The following BIRC6 variants were observed in gnomAD, a reference collection of about 807,000 sequenced individuals.
BIRC6 encodes the protein dual E2 ubiquitin-conjugating enzyme/E3 ubiquitin-protein ligase BIRC6.
Under a neutral mutation model 503.3 loss-of-function variants are expected in BIRC6, and 98 were observed. The observed-to-expected ratio is 0.19, with a 90% CI of 0.17 to 0.23. The LOEUF is 0.23. Ranked by LOEUF, BIRC6 falls within the 10% of genes least tolerant of loss-of-function variation. The pLI, the probability that BIRC6 is intolerant of heterozygous loss-of-function variation, is 1.00. For synonymous variants in BIRC6, 2,240 were observed against 2,078.7 expected (o/e 1.08, Z -2.11); for missense variants, 5,360 against 5,806.0 (o/e 0.92, Z 2.50).
intron 57 of BIRC6, chr2:32,523,401 T>C (rs186253018): frequency 2.0e-5 from 3 of 152,332 alleles, no homozygotes; most frequent in African/African-American, 7.2e-5. Context: ...TAATATTCTT[T>C]GTGTGCTTTT....
intron 57 of BIRC6, chr2:32,523,508 T>G (rs573513500): frequency 6.6e-6 from 1 of 152,318 alleles, no homozygotes; most frequent in East Asian, 1.9e-4. Context: ...TTTAGTTGCT[T>G]GGTTGTTTTT....
chr2:32,545,728 G>C lies in BIRC6; in HGVS notation c.12678G>C (p.Leu4226Phe). The C allele has an allele frequency of 6.2e-7, 1 of 1,613,678 alleles. No individual in the cohort carries two copies. Among genetic ancestry groups the C allele is most frequent in the Non-Finnish European group, 8.5e-7 (1 of 1,179,764 alleles). The change falls in exon 63 of 74, where the codon TTG (leucine) becomes TTC (phenylalanine). Residue 4226 changes from leucine to phenylalanine, a missense_variant. Leu to Phe is a conservative substitution (Grantham distance 22). Around this residue, in one of 16 missense-constraint regions of BIRC6, gnomAD observed 477 missense variants for 574.4 expected, o/e 0.83. Transcript: ENST00000421745. The stretch of plus-strand genomic sequence containing the variant: ...GTAGCTTGTTTAGCACTACACCTTT[G>C]ACAACTGATGATGGTGTACTTCTAA... ...VLRSLFSTTP[L>F]TTDDGVLLRR...
intron 65 of BIRC6, chr2:32,558,603 A>C (rs1437978499): frequency 6.6e-6 from 1 of 152,228 alleles, no homozygotes; most frequent in African/African-American, 2.4e-5. Flanking sequence ...AAAATAATGG[A>C]GTTACTAAAT....
Position 32,401,350 on chromosome 2 carries a change from A to G in BIRC6, c.1222A>G (p.Lys408Glu), listed in dbSNP as rs1490832499. 2 of 1,613,940 alleles carry G rather than the reference A, an allele frequency of 1.2e-6. No homozygotes were observed. Among genetic ancestry groups the G allele is most frequent in the Admixed American group, 1.7e-5 (1 of 60,006 alleles). The change falls in exon 7 of 74, where the codon AAG becomes GAG. Residue 408 changes from lysine to glutamate, a missense_variant. This residue lies in a region of BIRC6 where 92 missense variants were observed against 176.7 expected (regional missense o/e 0.52). Coordinates refer to ENST00000421745, the MANE Select transcript of BIRC6 (RefSeq NM_016252.4). Reference protein sequence around the residue: ...HFLAAATKRGKICIWDVSKLM... With the variant: ...HFLAAATKRGEICIWDVSKLM... ...TCTAGCTGCTGCAACTAAACGAGGA[A>G]AGATCTGCATATGGGATGTTTCCAA...
chr2:32,399,460 A>G (rs544813669), intron 6 of BIRC6, among the ~76,000 whole-genome samples: 2 of 152,180 alleles, frequency 1.3e-5, no homozygotes, highest in Non-Finnish European at 2.9e-5. Flanking sequence ...AGGTGTGATC[A>G]TAGCTTACTG....
rs1202755440 is a variant in BIRC6 at position 32,548,365 on chromosome 2, C to CTTTTT, written c.12975+369_12975+373dup. 2.3e-3 allele frequency among the ~76,000 whole-genome samples: 170 copies of CTTTTT among 73,302 alleles called. 3 individuals are homozygous for CTTTTT. Among genetic ancestry groups the CTTTTT allele is most frequent in the Middle Eastern group, 0.012 (1 of 82 alleles). The allele number at this position is 73,302 out of a possible 152,430, so 48.1% of individuals were successfully genotyped here. On this transcript the variant is annotated intron_variant, in intron 64 of 73. Transcript: ENST00000421745. ...TATTTATATGCATTTTGGTTGCTTACTTTTTTTTTTTTTTTTTTTTTTGAG... is the reference window on the plus strand; with the variant it reads ...TATTTATATGCATTTTGGTTGCTTACTTTTTTTTTTTTTTTTTTTTTTTTTTTGAG...
intron 8 of BIRC6, among the ~76,000 whole-genome samples, chr2:32,406,077 A>T (rs191158979): frequency 6.6e-6 from 1 of 152,194 alleles, no homozygotes; most frequent in East Asian, 1.9e-4. Context: ...TATGGTTGAG[A>T]TGTGTAGTAG....
At chr2:32,466,160 C>T (rs557415030) in intron 26 of BIRC6, among the ~76,000 whole-genome samples, 3 of 152,022 alleles carry the variant, frequency 2.0e-5, no homozygotes, top group East Asian at 1.9e-4. Context: ...CTAGCTCTGT[C>T]GAGAATAGCA....
At chr2:32,592,308 C>T (rs1048589823) in intron 66 of BIRC6, among the ~76,000 whole-genome samples, 1 of 152,164 alleles carries the variant, frequency 6.6e-6, no homozygotes, top group Non-Finnish European at 1.5e-5. Context: ...GGCAGCCATT[C>T]AGTGACATAT....
chr2:32,615,977 C>T (rs896584468), intron 73 of BIRC6, among the ~76,000 whole-genome samples: 3 of 152,116 alleles, frequency 2.0e-5, no homozygotes, highest in Non-Finnish European at 2.9e-5. Context: ...AAGGTCATTT[C>T]TCTCTCACCA....
chr2:32,479,407 T>C lies in BIRC6; in HGVS notation c.7253-55T>C. On this transcript the variant is annotated intron_variant, in intron 36 of 73. Coordinates refer to ENST00000421745, the MANE Select transcript of BIRC6 (RefSeq NM_016252.4). Reference sequence around the variant, plus strand: ...ACTGGAGGAAAAAAATGTGCTGTAATACATTTTCGAAATCTGTATAAATTA... The same window carrying C: ...ACTGGAGGAAAAAAATGTGCTGTAACACATTTTCGAAATCTGTATAAATTA... The C allele has an allele frequency of 2.0e-6, 3 of 1,487,258 alleles. No individual in the cohort carries two copies. The African/African-American group carries it at 4.2e-5, about 21-fold the overall frequency. 92.1% of individuals were successfully genotyped at this position (1,487,258 alleles called of 1,614,324 possible).
intron 38 of BIRC6, among the ~76,000 whole-genome samples, chr2:32,481,944 G>A (rs943416746): frequency 2.0e-5 from 3 of 152,030 alleles, no homozygotes; most frequent in Non-Finnish European, 4.4e-5. Flanking sequence ...ACAATCAATG[G>A]AATAGTATAA....
Position 32,470,289 on chromosome 2 carries a change from A to G in BIRC6, c.6469A>G (p.Arg2157Gly), listed in dbSNP as rs1292636462. 6.4e-7 allele frequency: 1 copy of G among 1,571,706 alleles called. No individual in the cohort carries two copies. The highest frequency in any genetic ancestry group is 1.9e-5 in the Admixed American group (1 of 53,010). ...SPLQPQLPMH[R>G]RTEGVLDIPM... ...TCTTCAGCCACAGTTACCCATGCAT[A>G]GGAGGACAGAAGGTATTAAGAGAAA... Residue 2157 changes from arginine (R) to glycine (G), a missense_variant, in exon 31 of 74, where the codon AGG becomes GGG. By Grantham distance (125) the Arg-to-Gly change is moderately radical (BLOSUM62 -2). Transcript: ENST00000421745.
At chr2:32,388,511 C>T (rs145385419) in intron 3 of BIRC6, among the ~76,000 whole-genome samples, 14 of 152,258 alleles carry the variant, frequency 9.2e-5, no homozygotes, top group Non-Finnish European at 2.1e-4. Flanking sequence ...CTGGCCTTTA[C>T]TGCACATTTT....
intron 6 of BIRC6, among the ~76,000 whole-genome samples, chr2:32,397,765 A>G (rs2149681051): frequency 6.6e-6 from 1 of 152,104 alleles, no homozygotes. Flanking sequence ...CCAATCCTCA[A>G]AAAGTTATTT....
Position 32,524,891 on chromosome 2 carries a change from C to G in BIRC6, c.11627C>G (p.Thr3876Ser), listed in dbSNP as rs746855510. ...LSDVLDRVSDTPSITAKLISE... is the reference protein window; with the variant it reads ...LSDVLDRVSDSPSITAKLISE... ...TTTAGATAATATCTTCTTACAGATACTCCAAGTATCACAGCTAAATTAATT... is the reference window on the plus strand; with the variant it reads ...TTTAGATAATATCTTCTTACAGATAGTCCAAGTATCACAGCTAAATTAATT... The change falls in exon 58 of 74, where the codon ACT becomes AGT. Residue 3876 changes from threonine to serine, a missense_variant. Thr to Ser is a moderately conservative substitution (Grantham distance 58). Transcript: ENST00000421745. The G allele has an allele frequency of 3.4e-5, 50 of 1,455,976 alleles. No homozygotes were observed. The highest frequency in any genetic ancestry group is 4.6e-5 in the Non-Finnish European group (50 of 1,086,920). 90.2% of individuals were successfully genotyped at this position (1,455,976 alleles called of 1,614,324 possible).
At chr2:32,607,080 A>G (rs892340635) in intron 71 of BIRC6, among the ~76,000 whole-genome samples, 1 of 151,868 alleles carries the variant, frequency 6.6e-6, no homozygotes, top group African/African-American at 2.4e-5. Flanking sequence ...GAATGTTGCT[A>G]TGAGTTGTTT....
chr2:32,516,712 A>G (rs1558949674), intron 55 of BIRC6, among the ~76,000 whole-genome samples: 1 of 152,046 alleles, frequency 6.6e-6, no homozygotes, highest in Non-Finnish European at 1.5e-5. Flanking sequence ...AATAAATTAA[A>G]TCCTGAAAGG....
chr2:32,552,551 G>A (rs1394263204), intron 65 of BIRC6, among the ~76,000 whole-genome samples: 2 of 152,176 alleles, frequency 1.3e-5, no homozygotes, highest in African/African-American at 2.4e-5. Flanking sequence ...GAGCATATAA[G>A]CTCCTTAGAG....
Sources: allele counts gnomAD v4.1 joint callset (sites outside exome capture counted in the v4.1 genomes callset), GRCh38; gene constraint gnomAD v4.1.1; regional missense constraint gnomAD v4.1.1; transcripts MANE v1.5; gene names NCBI Gene and HGNC (gene_info 2026-07-23, HGNC 2026-07-21).